Variants in MXD1 observed in about 807,000 individuals in gnomAD.
MXD1 encodes MAX dimerization protein 1.
A neutral mutation model predicts 25.7 loss-of-function variants in MXD1; 9 were observed. That is an observed-to-expected ratio of 0.35 (90% confidence interval 0.21 to 0.61). MXD1 has a LOEUF of 0.61. MXD1 is among the 20% of genes least tolerant of loss of function. The pLI, the probability that MXD1 is intolerant of heterozygous loss-of-function variation, is 0.75. For missense variants in MXD1, 227 were observed against 292.4 expected (o/e 0.78, Z 1.63); for synonymous variants, 99 against 113.9 (o/e 0.87, Z 0.83).
intron 3 of MXD1, among the ~76,000 whole-genome samples, chr2:69,932,583 G>A (rs1452318538): frequency 6.6e-6 from 1 of 152,196 alleles, no homozygotes. Flanking sequence ...AACACTGAAT[G>A]AACAAGTATT....
chr2:69,937,133 A>T (rs568322506), intron 4 of MXD1, 102 bp from the exon 5 acceptor site: 1 of 1,467,718 alleles, frequency 6.8e-7, no homozygotes, highest in South Asian at 1.1e-5. Flanking sequence ...AAGGCGTCTG[A>T]GGAAGTGTGG....
rs1237734374 is a variant in MXD1, at chr2:69,940,766, T to C, written c.*2482T>C. ...CAGGGTTAGACATTACTTTCAAAGC[T>C]TGAGGTAGACCGAGTCAGCATGCTA... On this transcript the variant is annotated 3_prime_UTR_variant, in exon 6 of 6. Transcript: ENST00000264444. 6.6e-6 allele frequency: 1 copy of C among 152,656 alleles called. No individual in the cohort carries two copies. The highest frequency in any genetic ancestry group is 2.4e-5 in the African/African-American group (1 of 41,464). The allele number at this position is 152,656 out of a possible 1,614,324, so 9.5% of individuals were successfully genotyped here. A position where few individuals can be genotyped will look rare whatever the true frequency, so the allele number is the denominator to read the frequency against.
chr2:69,934,093 C>T (rs1434633942), intron 3 of MXD1, among the ~76,000 whole-genome samples: 7 of 152,182 alleles, frequency 4.6e-5, no homozygotes, highest in Admixed American at 4.6e-4. Context: ...GTTTGAGGCA[C>T]GGTGACAGCA....
At chr2:69,924,294 T>C (rs78684137) in intron 3 of MXD1, among the ~76,000 whole-genome samples, 4 of 152,346 alleles carry the variant, frequency 2.6e-5, no homozygotes, top group African/African-American at 4.8e-5. Flanking sequence ...CTGCCTGTAA[T>C]TGAGCTTGCT....
In MXD1 at chr2:69,915,247, T is replaced by TAGCGGGCTCCAC. The variant is rs1304845609; in HGVS notation, c.-78_-67dup. The TAGCGGGCTCCAC allele has an allele frequency of 2.1e-5, 25 of 1,209,840 alleles. No individual in the cohort carries two copies. In the East Asian group the frequency reaches 4.1e-4, roughly 20 times the overall value. The allele number at this position is 1,209,840 out of a possible 1,614,324, so 74.9% of individuals were successfully genotyped here. Reference sequence around the variant, plus strand: ...ACAGCGGGCTCCACAGCGGGCTCCATAGCGGGCTCCACAGCGGTCCGGCGG... The same window carrying TAGCGGGCTCCAC: ...ACAGCGGGCTCCACAGCGGGCTCCATAGCGGGCTCCACAGCGGGCTCCACAGCGGTCCGGCGG... On this transcript the variant is annotated 5_prime_UTR_variant, in exon 1 of 6. Coordinates refer to ENST00000264444, the MANE Select transcript of MXD1 (RefSeq NM_002357.4). This position sits in a 1 kb window ranked among gnomAD's most constrained non-coding sequence, Gnocchi z 5.8.
intron 2 of MXD1, among the ~76,000 whole-genome samples, chr2:69,921,165 C>G (rs1226334658): frequency 6.6e-6 from 1 of 152,174 alleles, no homozygotes; most frequent in Non-Finnish European, 1.5e-5. Context: ...TTATATTGAG[C>G]TGAACTTTGG....
At chr2:69,926,612 T>C (rs1162077686) in intron 3 of MXD1, among the ~76,000 whole-genome samples, 2 of 152,268 alleles carry the variant, frequency 1.3e-5, no homozygotes, top group Non-Finnish European at 1.5e-5. Flanking sequence ...ACATGTCCTG[T>C]AAAAGGTATT....
In MXD1 at chr2:69,916,112, G is replaced by C. The variant is rs1558566605; in HGVS notation, c.74-9G>C. 1 of 1,579,716 alleles carries C rather than the reference G, an allele frequency of 6.3e-7. No individual in the cohort carries two copies. The highest frequency in any genetic ancestry group is 2.2e-5 in the East Asian group (1 of 44,684). The stretch of plus-strand genomic sequence containing the variant: ...GCCCATTCATTAACTGGATCCTCCT[G>C]TTTTCTAGAAGCTGAACATGGTTAT... On this transcript the variant is annotated splice_polypyrimidine_tract_variant and intron_variant, in intron 1 of 5. Transcript: ENST00000264444.
At chr2:69,936,992 A>C (rs1393139323) in intron 4 of MXD1, 1 of 625,006 alleles carries the variant, frequency 1.6e-6, no homozygotes, top group East Asian at 3.5e-5. Flanking sequence ...AGTATGTGAG[A>C]GCTCACCCCC....
intron 3 of MXD1, among the ~76,000 whole-genome samples, chr2:69,934,817 T>A (rs928222992): frequency 2.0e-5 from 3 of 152,246 alleles, no homozygotes; most frequent in Non-Finnish European, 2.9e-5. Context: ...GGATGTAGCA[T>A]AATTTATTTA....
chr2:69,915,416 G>A lies in MXD1; in HGVS notation c.73+13G>A. The A allele has an allele frequency of 7.9e-7, 1 of 1,272,360 alleles. No individual in the cohort carries two copies. Among genetic ancestry groups the A allele is most frequent in the East Asian group, 3.1e-5 (1 of 31,816 alleles). The allele number at this position is 1,272,360 out of a possible 1,614,324, so 78.8% of individuals were successfully genotyped here. ...CGGCGGGAGAGAGGTGCACGGGGAC[G>A]GGGAGGGGTCCACTCGAAACGAGGC... On this transcript the variant is annotated intron_variant, in intron 1 of 5. Coordinates refer to ENST00000264444, the MANE Select transcript of MXD1 (RefSeq NM_002357.4). The surrounding 1 kb of genome is among the most constrained non-coding windows in gnomAD (Gnocchi z 5.8).
intron 2 of MXD1, among the ~76,000 whole-genome samples, chr2:69,918,161 T>G (rs963939884): frequency 1.3e-5 from 2 of 152,234 alleles, no homozygotes; most frequent in Non-Finnish European, 2.9e-5. Context: ...CAGCCATGTA[T>G]GGTCAGAATT....
chr2:69,933,584 G>A (rs536079180), intron 3 of MXD1, among the ~76,000 whole-genome samples: 2 of 152,284 alleles, frequency 1.3e-5, no homozygotes, highest in South Asian at 4.2e-4. Context: ...CCAAGCCTTA[G>A]AGCACCCTTG....
At chr2:69,930,204 T>A (rs1253451320) in intron 3 of MXD1, among the ~76,000 whole-genome samples, 1 of 152,236 alleles carries the variant, frequency 6.6e-6, no homozygotes, top group African/African-American at 2.4e-5. Context: ...TTCCCATAGA[T>A]CCTTCCCAAC....
intron 3 of MXD1, among the ~76,000 whole-genome samples, chr2:69,926,574 G>A (rs1294181045): frequency 6.6e-6 from 1 of 152,064 alleles, no homozygotes; most frequent in African/African-American, 2.4e-5. Context: ...GCAAAGTTTT[G>A]TAGCAAAGTT....
At position 69,939,706 on chromosome 2, in the gene MXD1, G is replaced by C. The variant is rs191764721; in HGVS notation, c.*1422G>C. 2.0e-5 allele frequency: 3 copies of C among 152,614 alleles called. No individual in the cohort carries two copies. Among genetic ancestry groups the C allele is most frequent in the Non-Finnish European group, 4.4e-5 (3 of 68,018 alleles). 9.5% of individuals were successfully genotyped at this position (152,614 alleles called of 1,614,324 possible). ...CTGGCGAATCTTTTTCATTGAATTT[G>C]AACCATTTGTAAAATCTGTGATGCT... On this transcript the variant is annotated 3_prime_UTR_variant, in exon 6 of 6. Transcript: ENST00000264444.
rs1280746640 is a variant in MXD1, at chr2:69,938,378, A to G, written c.*94A>G. The G allele has an allele frequency of 7.4e-7, 1 of 1,343,844 alleles. No homozygotes were observed. The highest frequency in any genetic ancestry group is 1.0e-6 in the Non-Finnish European group (1 of 965,292). 83.2% of individuals were successfully genotyped at this position (1,343,844 alleles called of 1,614,324 possible). A position where few individuals can be genotyped will look rare whatever the true frequency, so the allele number is the denominator to read the frequency against. ...CCTGCCCACAACTCCCTTGCACGTA[A>G]ACTTCAGTGTCCCACCTTGACCAAA... On this transcript the variant is annotated 3_prime_UTR_variant, in exon 6 of 6. Transcript: ENST00000264444.
chr2:69,937,641 A>G (rs760810034), intron 5 of MXD1, among the ~76,000 whole-genome samples: 2 of 152,224 alleles, frequency 1.3e-5, no homozygotes, highest in Non-Finnish European at 2.9e-5. Flanking sequence ...TTGAGACGGA[A>G]TCTTGCTCTG....
At chr2:69,937,661 C>G (rs902468206) in intron 5 of MXD1, among the ~76,000 whole-genome samples, 4 of 152,222 alleles carry the variant, frequency 2.6e-5, no homozygotes, top group Non-Finnish European at 5.9e-5. Flanking sequence ...GTCACCCAGG[C>G]TGGAGTGCAG....
Sources: allele counts gnomAD v4.1 joint callset (sites outside exome capture counted in the v4.1 genomes callset), GRCh38; gene constraint gnomAD v4.1.1; non-coding constraint Gnocchi (gnomAD v3.1); transcripts MANE v1.5; gene names NCBI Gene and HGNC (gene_info 2026-07-23, HGNC 2026-07-21).